ADAMTS19: variants seen among roughly 807,000 people sequenced by gnomAD.
The protein encoded by ADAMTS19 is ADAM metallopeptidase with thrombospondin type 1 motif 19.
Under a neutral mutation model 153.3 loss-of-function variants are expected in ADAMTS19, and 93 were observed. The ratio of observed to expected loss-of-function variants is 0.61; its 90% CI spans 0.51 to 0.72. ADAMTS19 has a LOEUF of 0.72. ADAMTS19 is among the 30% of genes least tolerant of loss of function. ADAMTS19 has a pLI of 0.00. For missense variants in ADAMTS19, 1,482 were observed against 1,552.1 expected (o/e 0.95, Z 0.76); for synonymous variants, 600 against 556.6 (o/e 1.08, Z -1.10).
chr5:129,608,812 A>G (rs1343561849), intron 8 of ADAMTS19, among the ~76,000 whole-genome samples: 1 of 146,620 alleles, frequency 6.8e-6, no homozygotes, highest in Non-Finnish European at 1.5e-5. Context: ...ACACCACTGC[A>G]CTCCAGCCTG....
chr5:129,657,017 A>C (rs1347173965), intron 14 of ADAMTS19, among the ~76,000 whole-genome samples: 1 of 152,218 alleles, frequency 6.6e-6, no homozygotes, highest in Non-Finnish European at 1.5e-5. Flanking sequence ...CAGGACTCCC[A>C]GGTCAGGCTT....
chr5:129,483,457 G>C (rs1308470184), intron 2 of ADAMTS19, among the ~76,000 whole-genome samples: 2 of 152,140 alleles, frequency 1.3e-5, no homozygotes, highest in Non-Finnish European at 2.9e-5. Flanking sequence ...CCCATGCATT[G>C]TAGGCTATTT....
intron 20 of ADAMTS19, among the ~76,000 whole-genome samples, chr5:129,702,942 ATATAT>A (rs1434242801): frequency 0.014 from 281 of 19,844 alleles, 5 homozygotes; most frequent in African/African-American, 0.023. Flanking sequence ...AAAAAAAAAA[ATATAT>A]ATATATATAT....
intron 10 of ADAMTS19, among the ~76,000 whole-genome samples, chr5:129,634,917 A>G (rs550233368): frequency 6.6e-6 from 1 of 152,176 alleles, no homozygotes; most frequent in South Asian, 2.1e-4. Context: ...GAGAAATGGG[A>G]TCTAATTAAA....
At chr5:129,543,261 A>C (rs1752725809) in intron 6 of ADAMTS19, among the ~76,000 whole-genome samples, 1 of 152,060 alleles carries the variant, frequency 6.6e-6, no homozygotes, top group Non-Finnish European at 1.5e-5. Flanking sequence ...CATGTTGGTC[A>C]GGCTGGTCTC....
At chr5:129,606,330 C>A (rs1245125865) in intron 8 of ADAMTS19, among the ~76,000 whole-genome samples, 1 of 152,150 alleles carries the variant, frequency 6.6e-6, no homozygotes, top group Non-Finnish European at 1.5e-5. Flanking sequence ...GTTATTGGCA[C>A]CATTATTGCT....
intron 21 of ADAMTS19, among the ~76,000 whole-genome samples, chr5:129,705,247 T>C (rs1409266605): frequency 6.6e-6 from 1 of 152,128 alleles, no homozygotes; most frequent in Admixed American, 6.6e-5. Context: ...CTTCCCCTTT[T>C]ATTGTATAAA....
In ADAMTS19 at chr5:129,461,158, C is replaced by T; in HGVS notation, c.148C>T (p.Arg50Cys). Residue 50 changes from arginine to cysteine, a missense_variant, in exon 2 of 23, where the codon CGC (arginine) becomes TGC (cysteine). Around this residue, in one of 2 missense-constraint regions of ADAMTS19, gnomAD observed 866 missense variants for 827.7 expected, o/e 1.05. Coordinates refer to ENST00000274487, the MANE Select transcript of ADAMTS19 (RefSeq NM_133638.6). The surrounding 1 kb of genome is among the most constrained non-coding windows in gnomAD (Gnocchi z 4.6). ...EWEVVFPALW[R>C]REPVDPAGGS... is the part of the protein sequence containing the mutation. Reference sequence around the variant, plus strand: ...GGAAGTCGTGTTTCCTGCGCTCTGGCGCCGGGAGCCGGTGGACCCGGCTGG... The same window carrying T: ...GGAAGTCGTGTTTCCTGCGCTCTGGTGCCGGGAGCCGGTGGACCCGGCTGG... The T allele has an allele frequency of 7.2e-7, 1 of 1,397,912 alleles. No individual in the cohort carries two copies. The highest frequency in any genetic ancestry group is 9.3e-7 in the Non-Finnish European group (1 of 1,071,574). The allele number at this position is 1,397,912 out of a possible 1,614,324, so 86.6% of individuals were successfully genotyped here.
intron 2 of ADAMTS19, among the ~76,000 whole-genome samples, chr5:129,493,495 A>G (rs552491100): frequency 2.6e-5 from 4 of 151,700 alleles, no homozygotes; most frequent in Non-Finnish European, 5.9e-5. Context: ...ATAACTTTCA[A>G]CTAAGATGCT....
At chr5:129,578,423 T>C (rs1163320818) in intron 7 of ADAMTS19, among the ~76,000 whole-genome samples, 1 of 149,344 alleles carries the variant, frequency 6.7e-6, no homozygotes, top group South Asian at 2.1e-4. Context: ...TACGTACATA[T>C]ACCTATATGC....
chr5:129,463,071 T>G (rs1339890870), intron 2 of ADAMTS19, among the ~76,000 whole-genome samples: 1 of 152,164 alleles, frequency 6.6e-6, no homozygotes, highest in African/African-American at 2.4e-5. Context: ...CATGGAAAAA[T>G]TACATGAGAA....
At chr5:129,611,874 G>A (rs6883977) in intron 8 of ADAMTS19, among the ~76,000 whole-genome samples, 13,476 of 152,028 alleles carry the variant, frequency 0.089, 687 homozygotes, top group African/African-American at 0.11. Context: ...AGGGAAGCCC[G>A]TCAAACTCAC....
At chr5:129,673,439 C>A (rs1266817694) in intron 16 of ADAMTS19, among the ~76,000 whole-genome samples, 1 of 151,932 alleles carries the variant, frequency 6.6e-6, no homozygotes, top group Non-Finnish European at 1.5e-5. Flanking sequence ...TGTTTAATTT[C>A]CAAATTTTTT....
chr5:129,702,817 C>A (rs1018227025), intron 20 of ADAMTS19, among the ~76,000 whole-genome samples: 1 of 150,844 alleles, frequency 6.6e-6, no homozygotes, highest in East Asian at 2.0e-4. Flanking sequence ...AGATTTTTGG[C>A]ACCAGCTGAG....
At chr5:129,586,028 C>T (rs556963467) in intron 7 of ADAMTS19, among the ~76,000 whole-genome samples, 1 of 152,018 alleles carries the variant, frequency 6.6e-6, no homozygotes, top group Non-Finnish European at 1.5e-5. Flanking sequence ...TTTTTTAGAG[C>T]AGTCTTAGGT....
At chr5:129,682,359 C>A (rs556457773) in intron 17 of ADAMTS19, among the ~76,000 whole-genome samples, 1 of 152,314 alleles carries the variant, frequency 6.6e-6, no homozygotes, top group African/African-American at 2.4e-5. Flanking sequence ...TCAACTGTAA[C>A]ATGGTCACAC....
chr5:129,535,726 G>A (rs1433818838), intron 6 of ADAMTS19, among the ~76,000 whole-genome samples: 1 of 152,064 alleles, frequency 6.6e-6, no homozygotes, highest in African/African-American at 2.4e-5. Flanking sequence ...ATAGACCAAT[G>A]GAACAGAACA....
chr5:129,467,225 C>T (rs1411768118), intron 2 of ADAMTS19, among the ~76,000 whole-genome samples: 1 of 152,112 alleles, frequency 6.6e-6, no homozygotes, highest in Non-Finnish European at 1.5e-5. Flanking sequence ...ATTCAGCATG[C>T]TGTATGCCTC....
intron 15 of ADAMTS19, among the ~76,000 whole-genome samples, chr5:129,663,313 C>G (rs916284207): frequency 6.6e-6 from 1 of 152,174 alleles, no homozygotes; most frequent in Non-Finnish European, 1.5e-5. Context: ...CATGCCTTAA[C>G]TTGGTGATTC....
Sources: gnomAD v4.1 joint callset for allele counts (sites outside exome capture counted in the v4.1 genomes callset) on GRCh38, gnomAD v4.1.1 for gene constraint, gnomAD v4.1.1 regional missense constraint, Gnocchi (gnomAD v3.1) non-coding constraint, MANE v1.5 for transcripts, NCBI Gene and HGNC (gene_info 2026-07-23, HGNC 2026-07-21) for gene names.